FARP1: variants seen among roughly 807,000 people sequenced by gnomAD.
FARP1 encodes the protein FERM, ARHGEF and pleckstrin domain-containing protein 1.
Under a neutral mutation model 128.8 loss-of-function variants are expected in FARP1, and 52 were observed. That is an observed-to-expected ratio of 0.40 (90% CI 0.32 to 0.51). FARP1 has a LOEUF of 0.51. Ranked by LOEUF, FARP1 falls within the 20% of genes least tolerant of loss-of-function variation. FARP1 has a pLI of 0.45. For missense variants in FARP1, 1,333 were observed against 1,367.9 expected (o/e 0.97, Z 0.40); for synonymous variants, 580 against 551.8 (o/e 1.05, Z -0.72).
intron 5 of FARP1, among the ~76,000 whole-genome samples, chr13:98,369,028 C>T (rs958495680): frequency 1.3e-5 from 2 of 151,574 alleles, no homozygotes; most frequent in Non-Finnish European, 2.9e-5. Flanking sequence ...CGGATTCAAG[C>T]GATTCTCCTG....
intron 1 of FARP1, among the ~76,000 whole-genome samples, chr13:98,186,898 G>A (rs549901623): frequency 2.8e-5 from 4 of 140,936 alleles, no homozygotes; most frequent in Non-Finnish European, 6.1e-5. Flanking sequence ...AGGCTGAGGC[G>A]TAAGAATTGC....
chr13:98,149,162 A>G (rs552267898), intron 1 of FARP1, among the ~76,000 whole-genome samples: 1 of 152,184 alleles, frequency 6.6e-6, no homozygotes, highest in South Asian at 2.1e-4. Context: ...TGCTGGGATT[A>G]CTGGCATGAA....
chr13:98,377,796 C>A, intron 5 of FARP1, 25 bp from the exon 6 acceptor site: 1 of 1,591,490 alleles, frequency 6.3e-7, no homozygotes, highest in Non-Finnish European at 8.6e-7. Context: ...CTTTGCCTGA[C>A]GCCCAGCTCT....
chr13:98,445,219 C>G (rs1320410090), intron 24 of FARP1: 1 of 152,254 alleles, frequency 6.6e-6, no homozygotes, highest in Non-Finnish European at 1.5e-5. Context: ...GGTAAAATAG[C>G]TATACCACAA....
chr13:98,263,094 C>T (rs543010673), intron 2 of FARP1, among the ~76,000 whole-genome samples: 42 of 152,196 alleles, frequency 2.8e-4, no homozygotes, highest in African/African-American at 1.0e-3. Context: ...CCGCAACCTC[C>T]ACCTCCCGGT....
chr13:98,283,464 C>A (rs189240765), intron 2 of FARP1, among the ~76,000 whole-genome samples: 7 of 152,298 alleles, frequency 4.6e-5, no homozygotes, highest in Admixed American at 2.6e-4. Flanking sequence ...GAAGCCCTTG[C>A]AGAGAGGCAG....
At chr13:98,400,405 G>A (rs1477716166) in intron 13 of FARP1, 4 of 152,236 alleles carry the variant, frequency 2.6e-5, no homozygotes, top group African/African-American at 9.6e-5. Flanking sequence ...TGCCATGAGT[G>A]TGCACACAGC....
At chr13:98,351,599 A>C (rs559277496) in intron 3 of FARP1, among the ~76,000 whole-genome samples, 1 of 150,888 alleles carries the variant, frequency 6.6e-6, no homozygotes, top group Non-Finnish European at 1.5e-5. Flanking sequence ...GCAACAAAGC[A>C]AGACTCCATC....
chr13:98,345,079 A>G (rs576314899), intron 3 of FARP1, among the ~76,000 whole-genome samples: 11 of 152,360 alleles, frequency 7.2e-5, no homozygotes, highest in African/African-American at 2.6e-4. Context: ...AGTCCAGGAA[A>G]CAATTAGAGT....
chr13:98,303,321 T>G (rs1167499628), intron 2 of FARP1, among the ~76,000 whole-genome samples: 1 of 152,216 alleles, frequency 6.6e-6, no homozygotes, highest in Non-Finnish European at 1.5e-5. Context: ...TGGTGATGTT[T>G]GCACAGTCCT....
chr13:98,436,285 G>C (rs1326714827), intron 19 of FARP1, among the ~76,000 whole-genome samples: 6 of 152,102 alleles, frequency 3.9e-5, no homozygotes, highest in African/African-American at 7.2e-5. Flanking sequence ...ACTCAACAGG[G>C]CTTCCCGCAC....
chr13:98,240,390 G>A (rs1251424767), intron 2 of FARP1, among the ~76,000 whole-genome samples: 1 of 152,132 alleles, frequency 6.6e-6, no homozygotes, highest in Non-Finnish European at 1.5e-5. Flanking sequence ...CAGGAAGGGA[G>A]GATGCGGCGA....
intron 2 of FARP1, among the ~76,000 whole-genome samples, chr13:98,232,218 A>T (rs1882173345): frequency 7.4e-6 from 1 of 134,530 alleles, no homozygotes; most frequent in Non-Finnish European, 1.5e-5. Context: ...ACTTAGTCTC[A>T]CTTTACCACC....
chr13:98,160,791 T>G (rs184560575), intron 1 of FARP1, among the ~76,000 whole-genome samples: 50 of 152,214 alleles, frequency 3.3e-4, no homozygotes, highest in Admixed American at 5.2e-4. Context: ...GCCTCCTGAG[T>G]AGCTGGGATT....
chr13:98,316,457 G>A (rs75631728), intron 2 of FARP1, among the ~76,000 whole-genome samples: 6,261 of 152,268 alleles, frequency 0.041, 161 homozygotes, highest in Middle Eastern at 0.099. Context: ...AGGTCACACA[G>A]CCCATGCGTG....
intron 2 of FARP1, among the ~76,000 whole-genome samples, chr13:98,218,045 G>T (rs1048352672): frequency 1.4e-4 from 22 of 152,188 alleles, no homozygotes; most frequent in South Asian, 1.0e-3. Flanking sequence ...ACTAAGAGCC[G>T]CCTCCTTTGT....
chr13:98,392,858 A>G (rs1367496562), intron 11 of FARP1, among the ~76,000 whole-genome samples: 3 of 151,074 alleles, frequency 2.0e-5, no homozygotes, highest in African/African-American at 4.9e-5. Flanking sequence ...GATGAATCCC[A>G]TAATTTTCCT....
chr13:98,373,529 G>GACACACACACACAC (rs1555341442), intron 5 of FARP1, among the ~76,000 whole-genome samples: 3 of 79,168 alleles, frequency 3.8e-5, no homozygotes, highest in Non-Finnish European at 7.6e-5. Context: ...GAGACAGACA[G>GACACACACACACAC]ACAGACACAC....
chr13:98,295,850 G>A (rs976937189), intron 2 of FARP1, among the ~76,000 whole-genome samples: 1 of 152,172 alleles, frequency 6.6e-6, no homozygotes, highest in African/African-American at 2.4e-5. Flanking sequence ...GTGGTATTCT[G>A]AGAGTCCTTT....
Sources: allele counts gnomAD v4.1 joint callset (sites outside exome capture counted in the v4.1 genomes callset), GRCh38; gene constraint gnomAD v4.1.1; transcripts MANE v1.5; gene names NCBI Gene and HGNC (gene_info 2026-07-23, HGNC 2026-07-21).